The following ZBED6 variants were observed in gnomAD, a reference collection of about 807,000 sequenced individuals.
ZBED6 encodes the protein zinc finger BED-type containing 6.
A neutral mutation model predicts 58.4 loss-of-function variants in ZBED6; 40 were observed. The ratio of observed to expected loss-of-function variants is 0.68; its 90% CI spans 0.53 to 0.89. The LOEUF is 0.89. Ranked by LOEUF, ZBED6 falls within the 40% of genes least tolerant of loss-of-function variation. The pLI is 0.00. For missense variants in ZBED6, 1,057 were observed against 1,003.9 expected (o/e 1.05, Z -0.71); for synonymous variants, 439 against 350.6 (o/e 1.25, Z -2.82).
chr1:203,799,304 C>G (rs758526211), exon 1 of ZBED6: 2 of 714,968 alleles, frequency 2.8e-6, no homozygotes, highest in Non-Finnish European at 5.0e-6. Context: ...TCATTCAGGA[C>G]TTTTTCTGCG....
intron 1 of ZBED6, among the ~76,000 whole-genome samples, chr1:203,813,208 GT>G (rs1343119549): frequency 6.6e-6 from 1 of 150,908 alleles, no homozygotes; most frequent in Admixed American, 6.6e-5. Flanking sequence ...TTTGTTTTTT[GT>G]TTTTTGTTTT....
At chr1:203,847,772 T>C in intron 12 of ZBED6, 85 bp downstream of exon 12, 3 of 1,526,504 alleles carry the variant, frequency 2.0e-6, no homozygotes, top group African/African-American at 1.4e-5. Flanking sequence ...AGGAGTTGTT[T>C]GACAACCTTT....
chr1:203,830,077 A>T, intron 6 of ZBED6, 46 bp from the exon 7 acceptor site: 3 of 1,484,728 alleles, frequency 2.0e-6, no homozygotes, highest in South Asian at 2.4e-5. Flanking sequence ...AAATACAAAG[A>T]TGAAAAGGCT....
intron 1 of ZBED6, among the ~76,000 whole-genome samples, chr1:203,807,817 C>G (rs536124693): frequency 1.3e-5 from 2 of 152,252 alleles, no homozygotes; most frequent in Admixed American, 6.5e-5. Flanking sequence ...TCACGGCTCA[C>G]TGCAGCCTCG....
At chr1:203,850,168 T>C (rs1688926779) in intron 14 of ZBED6, 142 bp downstream of exon 14, 4 of 752,222 alleles carry the variant, frequency 5.3e-6, no homozygotes, top group Non-Finnish European at 8.7e-6. Context: ...ATTTCTGATA[T>C]TTTTATACAG....
intron 16 of ZBED6, 31 bp downstream of exon 16, chr1:203,851,155 T>C (rs779960610): frequency 1.9e-6 from 3 of 1,603,696 alleles, no homozygotes; most frequent in Non-Finnish European, 2.6e-6. Flanking sequence ...CTAAACAAAC[T>C]CCAGGCCCCT....
At position 203,818,306 on chromosome 1, in the gene ZBED6, C is replaced by T. The variant is rs1214678049; in HGVS notation, c.*2754-264C>T. On this transcript the variant is annotated intron_variant, in intron 2 of 16. Transcript: ENST00000550078. ...AAATACATTTTTAAAGAGGACCTAA[C>T]ACTCCTACTTGTCTTTTTCAACTCT... 3.6e-3 allele frequency among the ~76,000 whole-genome samples: 536 copies of T among 150,886 alleles called. 4 individuals carry two copies. The highest frequency in any genetic ancestry group is 6.5e-3 in the Non-Finnish European group (433 of 66,994).
In ZBED6 at chr1:203,818,285, A is replaced by AGTGTTTTTTTCTTTT. The variant is rs1372468139; in HGVS notation, c.*2754-285_*2754-284insGTGTTTTTTTCTTTT. Among the ~76,000 whole-genome samples, 330 of 150,582 alleles carry AGTGTTTTTTTCTTTT rather than the reference A, an allele frequency of 2.2e-3. 1 individual carries two copies. Among genetic ancestry groups the AGTGTTTTTTTCTTTT allele is most frequent in the Non-Finnish European group, 4.0e-3 (264 of 66,682 alleles). On this transcript the variant is annotated intron_variant, in intron 2 of 16. Transcript: ENST00000550078. ...CAGTTTTGAAGATGAACTGTAAAAT[A>AGTGTTTTTTTCTTTT]CATTTTTAAAGAGGACCTAACACTC...
chr1:203,809,268 A>G (rs563361021), intron 1 of ZBED6, among the ~76,000 whole-genome samples: 85 of 128,812 alleles, frequency 6.6e-4, no homozygotes, highest in South Asian at 2.6e-4. Context: ...CTCCGCCTCC[A>G]GGGTTCAAGC....
At chr1:203,852,159 C>A in exon 17 of ZBED6, 1 of 1,613,606 alleles carries the variant, frequency 6.2e-7, no homozygotes, top group East Asian at 2.2e-5. Flanking sequence ...TGCCTCCAAC[C>A]CAGTCCTCTT....
intron 11 of ZBED6, among the ~76,000 whole-genome samples, chr1:203,846,223 A>C (rs1687879147): frequency 6.6e-6 from 1 of 151,576 alleles, no homozygotes; most frequent in African/African-American, 2.4e-5. Context: ...TGATCTCCAA[A>C]TTATCATTTA....
chr1:203,834,609 T>C (rs1283006570), intron 9 of ZBED6, among the ~76,000 whole-genome samples: 1 of 152,172 alleles, frequency 6.6e-6, no homozygotes, highest in African/African-American at 2.4e-5. Context: ...ACCATATTAG[T>C]AAATTGTTGT....
chr1:203,823,247 G>C (rs186275512), intron 3 of ZBED6, among the ~76,000 whole-genome samples: 160 of 152,282 alleles, frequency 1.1e-3, no homozygotes, highest in African/African-American at 3.6e-3. Flanking sequence ...GATCATAAGA[G>C]AAAAAGACAC....
intron 11 of ZBED6, among the ~76,000 whole-genome samples, chr1:203,845,797 T>C (rs899472753): frequency 6.6e-6 from 1 of 152,018 alleles, no homozygotes; most frequent in Non-Finnish European, 1.5e-5. Context: ...CCAGGAGATG[T>C]AGGTTGCGGT....
exon 17 of ZBED6, chr1:203,853,477 C>T (rs936071348): frequency 1.3e-5 from 2 of 152,476 alleles, no homozygotes; most frequent in Non-Finnish European, 2.9e-5. Context: ...TGGTTTCCTT[C>T]ATATCACCTC....
At chr1:203,798,810 A>T (rs1224677293) in exon 1 of ZBED6, 12 of 1,536,128 alleles carry the variant, frequency 7.8e-6, no homozygotes, top group Non-Finnish European at 1.0e-5. Flanking sequence ...CTATTTCTCA[A>T]CCCCAGCCTT....
intron 3 of ZBED6, among the ~76,000 whole-genome samples, chr1:203,821,414 C>A (rs574751934): frequency 6.6e-6 from 1 of 152,010 alleles, no homozygotes; most frequent in African/African-American, 2.4e-5. Context: ...GTGTCGTACT[C>A]TGTTACTATC....
At chr1:203,850,966 C>A in intron 15 of ZBED6, 91 bp from the exon 16 acceptor site, 1 of 1,447,822 alleles carries the variant, frequency 6.9e-7, no homozygotes, top group Non-Finnish European at 9.6e-7. Flanking sequence ...AGAATCATAG[C>A]CACAATTCTA....
chr1:203,841,818 G>A (rs1166898782), intron 11 of ZBED6, among the ~76,000 whole-genome samples: 1 of 146,300 alleles, frequency 6.8e-6, no homozygotes, highest in Non-Finnish European at 1.5e-5. Context: ...CGGCTGCCGG[G>A]CGGAGGGGCT....
Sources: allele counts gnomAD v4.1 joint callset (sites outside exome capture counted in the v4.1 genomes callset), GRCh38; gene constraint gnomAD v4.1.1; transcripts MANE v1.5; gene names NCBI Gene and HGNC (gene_info 2026-07-23, HGNC 2026-07-21).